The following PTPRE variants were observed in gnomAD, a reference collection of about 807,000 sequenced individuals.
The protein encoded by PTPRE is receptor-type tyrosine-protein phosphatase epsilon.
In PTPRE, 51 loss-of-function variants were observed where a neutral mutation model predicts 102.0. The observed-to-expected ratio is 0.50, with a 90% confidence interval of 0.40 to 0.63. The LOEUF is 0.63. Ranked by LOEUF, PTPRE falls within the 30% of genes least tolerant of loss-of-function variation. The pLI, the probability that PTPRE is intolerant of heterozygous loss-of-function variation, is 0.00. For missense variants in PTPRE, 752 were observed against 915.1 expected (o/e 0.82, Z 2.30); for synonymous variants, 345 against 348.2 (o/e 0.99, Z 0.10).
rs557992983 is a variant in PTPRE, at chr10:127,944,387, G to A, written c.-31+37078G>A. On this transcript the variant is annotated intron_variant, in intron 1 of 20. Transcript: ENST00000254667. This position sits in a 1 kb window ranked among gnomAD's most constrained non-coding sequence, Gnocchi z 4.2. ...CGATGGACAGATGGATGGATATGTG[G>A]ATGGATGGATGGATGGATGGATGGA... 4.6e-5 allele frequency among the ~76,000 whole-genome samples: 7 copies of A among 151,524 alleles called. No homozygotes were observed. In the East Asian group the frequency reaches 1.2e-3, roughly 25 times the overall value.
chr10:128,047,957 A>C (rs1044416070), intron 5 of PTPRE, 120 bp downstream of exon 5: 3 of 960,510 alleles, frequency 3.1e-6, no homozygotes, highest in Middle Eastern at 2.9e-4. Flanking sequence ...TGCCACTTTC[A>C]TCTCACTCTA....
intron 2 of PTPRE, among the ~76,000 whole-genome samples, chr10:128,015,017 T>C (rs1227102360): frequency 6.6e-6 from 1 of 152,216 alleles, no homozygotes; most frequent in African/African-American, 2.4e-5. Flanking sequence ...CAGACTTTCA[T>C]GTGGACTCCT....
chr10:128,038,564 A>C (rs1847416390), intron 2 of PTPRE, among the ~76,000 whole-genome samples: 1 of 149,974 alleles, frequency 6.7e-6, no homozygotes, highest in Non-Finnish European at 1.5e-5. Context: ...AGGACAGGAA[A>C]CCAAACACCA....
Position 128,070,078 on chromosome 10 carries a change from C to T in PTPRE, c.1144-223C>T, listed in dbSNP as rs148316356. The T allele has an allele frequency of 1.6e-3, 1,122 of 683,502 alleles. 4 individuals are homozygous for T. The highest frequency in any genetic ancestry group is 0.016 in the African/African-American group (892 of 55,476). The allele number at this position is 683,502 out of a possible 1,614,324, so 42.3% of individuals were successfully genotyped here. On this transcript the variant is annotated intron_variant, in intron 13 of 20. Coordinates refer to ENST00000254667, the MANE Select transcript of PTPRE (RefSeq NM_006504.6). This position sits in a 1 kb window ranked among gnomAD's most constrained non-coding sequence, Gnocchi z 4.8. ...CCCCAAACGGTGCATGTACACAGTG[C>T]GTGGCGTGCTCACCAATGTGAGGCT... is the stretch of plus-strand genomic sequence containing the variant.
At chr10:127,977,213 G>A (rs905593235) in intron 1 of PTPRE, among the ~76,000 whole-genome samples, 1 of 152,226 alleles carries the variant, frequency 6.6e-6, no homozygotes, top group South Asian at 2.1e-4. Context: ...CAGGATTGAG[G>A]AACTTGGCTC....
chr10:128,027,682 C>G (rs557139548), intron 2 of PTPRE, among the ~76,000 whole-genome samples: 12 of 152,304 alleles, frequency 7.9e-5, no homozygotes, highest in East Asian at 1.9e-4. Flanking sequence ...ATTTCCACAC[C>G]AGCATTCGTG....
At chr10:128,082,195 C>CTCTCTTTTTTTTTTTTTTTTTTTTTT (rs1554951767) in intron 20 of PTPRE, among the ~76,000 whole-genome samples, 1 of 89,036 alleles carries the variant, frequency 1.1e-5, no homozygotes, top group African/African-American at 4.6e-5. Flanking sequence ...TTTTCTCTTT[C>CTCTCTTTTTTTTTTTTTTTTTTTTTT]TTTTTTTTTT....
At position 128,084,880 on chromosome 10, in the gene PTPRE, C is replaced by T. The variant is rs1851985393; in HGVS notation, c.*1974C>T. On this transcript the variant is annotated 3_prime_UTR_variant, in exon 21 of 21. Coordinates refer to ENST00000254667, the MANE Select transcript of PTPRE (RefSeq NM_006504.6). ...ACCGGCTTTGGTTCATGTCTAGGAG[C>T]CCTCTGTCAGAATCCTTGAAGCCCT... 1 of 207,536 alleles carries T rather than the reference C, an allele frequency of 4.8e-6. No individual in the cohort carries two copies. Among genetic ancestry groups the T allele is most frequent in the Non-Finnish European group, 1.0e-5 (1 of 96,690 alleles). The allele number at this position is 207,536 out of a possible 1,614,324, so 12.9% of individuals were successfully genotyped here. A position where few individuals can be genotyped will look rare whatever the true frequency, so the allele number is the denominator to read the frequency against.
At chr10:128,034,514 ACC>A (rs76724209) in intron 2 of PTPRE, among the ~76,000 whole-genome samples, 1 of 150,470 alleles carries the variant, frequency 6.6e-6, no homozygotes. Context: ...ACATAGTGAG[ACC>A]CCCCCCATCT....
At chr10:128,067,406 G>A (rs954444583) in intron 11 of PTPRE, among the ~76,000 whole-genome samples, 4 of 122,422 alleles carry the variant, frequency 3.3e-5, no homozygotes, top group East Asian at 2.8e-4. Context: ...ACACATACAC[G>A]CACATGGGTG....
chr10:128,026,054 A>C (rs989000220), intron 2 of PTPRE, among the ~76,000 whole-genome samples: 1 of 151,938 alleles, frequency 6.6e-6, no homozygotes, highest in Non-Finnish European at 1.5e-5. Context: ...ATCTCCAGAA[A>C]CCCCAAAACA....
rs549332489 is a variant in PTPRE, at chr10:127,910,583, G to A, written c.-31+3274G>A. On this transcript the variant is annotated intron_variant, in intron 1 of 20. Coordinates refer to ENST00000254667, the MANE Select transcript of PTPRE (RefSeq NM_006504.6). ...CTTTGGGTTCAGTCAGTCAAGTTCT[G>A]ACTCTGGTGTGACCTTGGCTAAATG... is the stretch of plus-strand genomic sequence containing the variant. 2.0e-5 allele frequency among the ~76,000 whole-genome samples: 3 copies of A among 152,338 alleles called. No homozygotes were observed. The South Asian group carries it at 6.2e-4, about 32-fold the overall frequency.
intron 2 of PTPRE, among the ~76,000 whole-genome samples, chr10:127,986,700 G>A (rs556293920): frequency 6.6e-5 from 10 of 152,044 alleles, no homozygotes; most frequent in Non-Finnish European, 1.2e-4. Context: ...TGGCTACCAT[G>A]ACAGGAAAAA....
chr10:127,916,861 G>T (rs759310163), intron 1 of PTPRE, among the ~76,000 whole-genome samples: 1 of 152,040 alleles, frequency 6.6e-6, no homozygotes, highest in Admixed American at 6.6e-5. Flanking sequence ...CCAGAAAAAC[G>T]CATGTGTGCA....
At position 127,909,723 on chromosome 10, in the gene PTPRE, C is replaced by T. The variant is rs148415855; in HGVS notation, c.-31+2414C>T. On this transcript the variant is annotated intron_variant, in intron 1 of 20. Coordinates refer to ENST00000254667, the MANE Select transcript of PTPRE (RefSeq NM_006504.6). ...TGTATCTCCAGTGCCCAGCCATGTG[C>T]CTACCAGTGGAGCCTTGAGGACTAC... Among the ~76,000 whole-genome samples, 264 of 152,368 alleles carry T rather than the reference C, an allele frequency of 1.7e-3. 2 individuals carry two copies. The highest frequency in any genetic ancestry group is 6.1e-3 in the African/African-American group (253 of 41,584).
At chr10:127,975,170 G>T (rs1483866959) in intron 1 of PTPRE, among the ~76,000 whole-genome samples, 1 of 152,148 alleles carries the variant, frequency 6.6e-6, no homozygotes, top group Non-Finnish European at 1.5e-5. Flanking sequence ...GAAGCAGGGG[G>T]ACTGTGCTGT....
chr10:127,988,795 T>C (rs1259975911), intron 2 of PTPRE, among the ~76,000 whole-genome samples: 2 of 152,224 alleles, frequency 1.3e-5, no homozygotes, highest in African/African-American at 4.8e-5. Flanking sequence ...TGTACCCATG[T>C]AAGAAACCTG....
intron 1 of PTPRE, among the ~76,000 whole-genome samples, chr10:127,923,123 C>T (rs952867885): frequency 5.9e-5 from 9 of 152,256 alleles, no homozygotes; most frequent in Non-Finnish European, 8.8e-5. Context: ...CCCGGCATAG[C>T]GGCTGGCGTG....
chr10:127,956,924 T>C (rs1849445661), intron 1 of PTPRE, among the ~76,000 whole-genome samples: 2 of 152,210 alleles, frequency 1.3e-5, no homozygotes, highest in South Asian at 4.1e-4. Context: ...GATTGTTTAT[T>C]TTCTTATTGT....
Sources: gnomAD v4.1 joint callset for allele counts (sites outside exome capture counted in the v4.1 genomes callset) on GRCh38, gnomAD v4.1.1 for gene constraint, Gnocchi (gnomAD v3.1) non-coding constraint, MANE v1.5 for transcripts, NCBI Gene and HGNC (gene_info 2026-07-23, HGNC 2026-07-21) for gene names.